Variants in ARID5B observed in about 807,000 individuals in gnomAD.
ARID5B encodes AT-rich interaction domain 5B.
Under a neutral mutation model 97.2 loss-of-function variants are expected in ARID5B, and 13 were observed. The ratio of observed to expected loss-of-function variants is 0.13; its 90% CI spans 0.09 to 0.21. ARID5B has a LOEUF of 0.21. Among genes scored for constraint, ARID5B ranks in the 10% least tolerant of loss-of-function variants. The pLI is 1.00. For missense variants in ARID5B, 1,210 were observed against 1,465.3 expected (o/e 0.83, Z 2.84); for synonymous variants, 556 against 570.3 (o/e 0.97, Z 0.36).
intron 4 of ARID5B, among the ~76,000 whole-genome samples, chr10:62,011,018 C>T (rs1432105571): frequency 6.6e-6 from 1 of 152,150 alleles, no homozygotes; most frequent in Non-Finnish European, 1.5e-5. Context: ...GTATAACATT[C>T]TCATATGGAA....
intron 2 of ARID5B, among the ~76,000 whole-genome samples, chr10:61,927,034 A>G (rs149388922): frequency 6.6e-6 from 1 of 152,308 alleles, no homozygotes; most frequent in African/African-American, 2.4e-5. Flanking sequence ...TTCTGGTCCA[A>G]CCTTCCCTTG....
Position 61,996,895 on chromosome 10 carries a change from A to AT in ARID5B, c.503-3196_503-3195insT, listed in dbSNP as rs1554843347. 5.4e-3 allele frequency among the ~76,000 whole-genome samples: 783 copies of AT among 146,150 alleles called. 7 individuals carry two copies. The highest frequency in any genetic ancestry group is 0.043 in the South Asian group (198 of 4,624). Reference sequence around the variant, plus strand: ...AAAAGTCTGACAACTGAAAAAAAAAAATATATATATATATATATTTCAAAA... The same window carrying AT: ...AAAAGTCTGACAACTGAAAAAAAAAATATATATATATATATATATTTCAAAA... On this transcript the variant is annotated intron_variant, in intron 3 of 9. Coordinates refer to ENST00000279873, the MANE Select transcript of ARID5B (RefSeq NM_032199.3).
intron 3 of ARID5B, among the ~76,000 whole-genome samples, chr10:61,952,810 C>T (rs186377385): frequency 2.0e-5 from 3 of 151,956 alleles, no homozygotes; most frequent in Non-Finnish European, 1.5e-5. Context: ...TTGAAGCTAT[C>T]CTGCTAGCCT....
At position 62,096,606 on chromosome 10, in the gene ARID5B, T is replaced by C. The variant is rs1419081585; in HGVS notation, c.*3576T>C. The stretch of plus-strand genomic sequence containing the variant: ...CTTGGCTGTTTATACTTTTTTAAAC[T>C]TTCCTGTGTTGTAAATATTGTATAC... On this transcript the variant is annotated 3_prime_UTR_variant, in exon 10 of 10. Coordinates refer to ENST00000279873, the MANE Select transcript of ARID5B (RefSeq NM_032199.3). 1.7e-5 allele frequency: 4 copies of C among 233,498 alleles called. No homozygotes were observed. Among genetic ancestry groups the C allele is most frequent in the African/African-American group, 8.8e-5 (4 of 45,356 alleles). The allele number at this position is 233,498 out of a possible 1,614,324, so 14.5% of individuals were successfully genotyped here.
chr10:61,921,738 A>G (rs971473293), intron 2 of ARID5B, among the ~76,000 whole-genome samples: 2 of 152,228 alleles, frequency 1.3e-5, no homozygotes, highest in African/African-American at 2.4e-5. Flanking sequence ...TACAGCTGGC[A>G]ACAGAGCCAA....
chr10:62,050,628 C>G (rs1839774561), intron 4 of ARID5B, among the ~76,000 whole-genome samples: 1 of 152,168 alleles, frequency 6.6e-6, no homozygotes, highest in African/African-American at 2.4e-5. Flanking sequence ...TCCTTTAGAG[C>G]TAAGAGCTTC....
chr10:61,909,325 T>G (rs945858577), intron 2 of ARID5B, among the ~76,000 whole-genome samples: 56 of 137,634 alleles, frequency 4.1e-4, no homozygotes, highest in Non-Finnish European at 2.8e-4. Flanking sequence ...TGAGTTTTTT[T>G]TTTTTTTTTT....
At chr10:61,910,623 C>T (rs1202386818) in intron 2 of ARID5B, among the ~76,000 whole-genome samples, 1 of 152,162 alleles carries the variant, frequency 6.6e-6, no homozygotes, top group Non-Finnish European at 1.5e-5. Flanking sequence ...AGCATACATC[C>T]CTCATGCCCT....
Position 62,073,526 on chromosome 10 carries a change from G to A in ARID5B, c.1199+3729G>A, listed in dbSNP as rs572668792. ...ATCATTGTCACTGAAGGCCTGACTC[G>A]TACAAACTTGCCTCTGATTGGTTTA... On this transcript the variant is annotated intron_variant, in intron 8 of 9. Coordinates refer to ENST00000279873, the MANE Select transcript of ARID5B (RefSeq NM_032199.3). Among the ~76,000 whole-genome samples, 42 of 152,272 alleles carry A rather than the reference G, an allele frequency of 2.8e-4. No individual in the cohort carries two copies. In the South Asian group the frequency reaches 8.1e-3, roughly 29 times the overall value.
At chr10:61,930,965 A>G (rs1226473384) in intron 2 of ARID5B, among the ~76,000 whole-genome samples, 1 of 152,126 alleles carries the variant, frequency 6.6e-6, no homozygotes, top group Non-Finnish European at 1.5e-5. Context: ...CATCCATGAA[A>G]CTGGCAGGTG....
intron 2 of ARID5B, among the ~76,000 whole-genome samples, chr10:61,919,889 T>C (rs1843982247): frequency 6.6e-6 from 1 of 151,846 alleles, no homozygotes; most frequent in African/African-American, 2.4e-5. Flanking sequence ...ACATAAATGG[T>C]GGTGTCTAAA....
intron 5 of ARID5B, among the ~76,000 whole-genome samples, chr10:62,055,955 A>G (rs12254476): frequency 0.018 from 2,791 of 152,244 alleles, 82 homozygotes; most frequent in African/African-American, 0.064. Context: ...TATTCGTAAC[A>G]TTTCCCCAGC....
intron 4 of ARID5B, among the ~76,000 whole-genome samples, chr10:62,037,509 A>G (rs1342030649): frequency 6.6e-6 from 1 of 152,244 alleles, no homozygotes; most frequent in African/African-American, 2.4e-5. Flanking sequence ...GCTTTGCCGT[A>G]CACAAAGATT....
chr10:62,024,991 G>A (rs922469919), intron 4 of ARID5B: 30 of 231,210 alleles, frequency 1.3e-4, no homozygotes, highest in South Asian at 3.6e-4. Flanking sequence ...AGTATAATTC[G>A]TTTTCGTAGA....
intron 3 of ARID5B, among the ~76,000 whole-genome samples, chr10:61,966,360 CT>C (rs1838545469): frequency 6.6e-6 from 1 of 152,136 alleles, no homozygotes; most frequent in African/African-American, 2.4e-5. Flanking sequence ...AAGAAGTCAT[CT>C]TTCTCCCTGT....
intron 3 of ARID5B, among the ~76,000 whole-genome samples, chr10:61,948,623 A>C (rs969553182): frequency 7.2e-5 from 11 of 151,928 alleles, no homozygotes; most frequent in African/African-American, 2.2e-4. Flanking sequence ...ACCTTGGCCT[A>C]CCAAAGTGCT....
At chr10:62,074,053 T>A (rs1840097606) in intron 8 of ARID5B, among the ~76,000 whole-genome samples, 1 of 152,226 alleles carries the variant, frequency 6.6e-6, no homozygotes, top group Admixed American at 6.5e-5. Context: ...TTTCCCTTTT[T>A]AAAAAATGTT....
At chr10:61,913,448 A>G (rs1269780403) in intron 2 of ARID5B, among the ~76,000 whole-genome samples, 1 of 152,252 alleles carries the variant, frequency 6.6e-6, no homozygotes, top group East Asian at 1.9e-4. Flanking sequence ...TATTTAATAG[A>G]TGCAGAACCT....
At chr10:62,055,852 A>T (rs2132937825) in intron 5 of ARID5B, among the ~76,000 whole-genome samples, 1 of 150,060 alleles carries the variant, frequency 6.7e-6, no homozygotes, top group African/African-American at 2.5e-5. Context: ...ATAGTCTTTT[A>T]TGTTCTTAAT....
Sources: allele counts gnomAD v4.1 joint callset (sites outside exome capture counted in the v4.1 genomes callset), GRCh38; gene constraint gnomAD v4.1.1; transcripts MANE v1.5; gene names NCBI Gene and HGNC (gene_info 2026-07-23, HGNC 2026-07-21).